Variants in GTF2IRD1 observed in about 807,000 individuals in gnomAD.
GTF2IRD1 encodes the protein general transcription factor II-I repeat domain-containing protein 1.
A neutral mutation model predicts 113.2 loss-of-function variants in GTF2IRD1; 26 were observed. That is an observed-to-expected ratio of 0.23 (90% CI 0.17 to 0.32). GTF2IRD1 has a LOEUF of 0.32. Among genes scored for constraint, GTF2IRD1 ranks in the 10% least tolerant of loss-of-function variants. The pLI is 1.00. For missense variants in GTF2IRD1, 864 were observed against 1,280.8 expected (o/e 0.67, Z 4.97); for synonymous variants, 484 against 529.1 (o/e 0.91, Z 1.17).
chr7:74,504,705 C>CTT (rs561437934), intron 1 of GTF2IRD1, among the ~76,000 whole-genome samples: 14 of 116,130 alleles, frequency 1.2e-4, no homozygotes, highest in Non-Finnish European at 2.0e-4. Flanking sequence ...AGAATTTTTA[C>CTT]TTTTTTTTTT....
At position 74,597,233 on chromosome 7, in the gene GTF2IRD1, G is replaced by A. The variant is rs797037362; in HGVS notation, c.2629+2182G>A. Among the ~76,000 whole-genome samples the A allele has an allele frequency of 1.4e-3, 211 of 151,840 alleles. 2 individuals are homozygous for A. The highest frequency in any genetic ancestry group is 4.8e-3 in the African/African-American group (198 of 41,446). On this transcript the variant is annotated intron_variant, in intron 25 of 26. Transcript: ENST00000424337. ...ATTTTTTTGTATTTTTAGTAGAGAC[G>A]GGGTTTCTCCATATTGGCCAGGCTG... is the stretch of plus-strand genomic sequence containing the variant.
At chr7:74,476,499 G>T (rs1467101048) in intron 1 of GTF2IRD1, among the ~76,000 whole-genome samples, 1 of 151,548 alleles carries the variant, frequency 6.6e-6, no homozygotes, top group Non-Finnish European at 1.5e-5. Flanking sequence ...CAAGTAGCTG[G>T]GATACAGGTG....
chr7:74,463,306 G>T (rs782051977), intron 1 of GTF2IRD1, among the ~76,000 whole-genome samples: 3 of 152,152 alleles, frequency 2.0e-5, no homozygotes, highest in Non-Finnish European at 4.4e-5. Context: ...TGCAATCATA[G>T]CTTGCTGCAG....
At position 74,518,301 on chromosome 7, in the gene GTF2IRD1, G is replaced by T; in HGVS notation, c.584G>T (p.Arg195Leu). Reference sequence around the variant, plus strand: ...ATGGCCATCCTGGAACACAGCCACCGCATCCGCTTCAAGCTCAAGAGGTGA... The same window carrying T: ...ATGGCCATCCTGGAACACAGCCACCTCATCCGCTTCAAGCTCAAGAGGTGA... Reference protein sequence around the residue: ...ALMAILEHSHRIRFKLKRPLE... With the variant: ...ALMAILEHSHLIRFKLKRPLE... The change falls in exon 5 of 27, where the codon CGC becomes CTC. Residue 195 changes from arginine (R) to leucine (L), a missense_variant. Physicochemically the swap from Arg to Leu is moderately radical, Grantham distance 102 (BLOSUM62 -2). Transcript: ENST00000424337. The T allele has an allele frequency of 1.3e-6, 2 of 1,599,930 alleles. No homozygotes were observed. The highest frequency in any genetic ancestry group is 1.7e-6 in the Non-Finnish European group (2 of 1,170,184).
chr7:74,472,233 G>T (rs1554332587), intron 1 of GTF2IRD1, among the ~76,000 whole-genome samples: 2 of 144,698 alleles, frequency 1.4e-5, no homozygotes, highest in African/African-American at 5.2e-5. Context: ...CATAGGGCCG[G>T]GGCCAGGTGC....
At chr7:74,575,054 C>T (rs879989752) in intron 22 of GTF2IRD1, among the ~76,000 whole-genome samples, 12 of 152,068 alleles carry the variant, frequency 7.9e-5, no homozygotes, top group East Asian at 1.9e-4. Flanking sequence ...TGCGCCATTG[C>T]GCTCCAGCTT....
At chr7:74,485,339 T>C (rs1794959292) in intron 1 of GTF2IRD1, among the ~76,000 whole-genome samples, 2 of 152,102 alleles carry the variant, frequency 1.3e-5, no homozygotes, top group African/African-American at 4.8e-5. Flanking sequence ...TGCAGCTGGC[T>C]GGGTGCGGTG....
intron 26 of GTF2IRD1, chr7:74,601,476 A>G (rs1554374096): frequency 1.4e-6 from 2 of 1,437,810 alleles, no homozygotes; most frequent in Non-Finnish European, 9.1e-7. Flanking sequence ...AGCTGGAGAC[A>G]TGAAAAGACA....
chr7:74,492,366 T>C (rs1457328603), intron 1 of GTF2IRD1, among the ~76,000 whole-genome samples: 2 of 151,760 alleles, frequency 1.3e-5, no homozygotes, highest in Admixed American at 6.6e-5. Flanking sequence ...GAAACTGAGT[T>C]TCACCATGTT....
chr7:74,490,700 A>T (rs1258594492), intron 1 of GTF2IRD1, among the ~76,000 whole-genome samples: 1 of 145,622 alleles, frequency 6.9e-6, no homozygotes, highest in Admixed American at 6.9e-5. Context: ...GGTTGGGTGT[A>T]TTTTTTTTTT....
chr7:74,585,135 C>T (rs1281219974), intron 22 of GTF2IRD1, among the ~76,000 whole-genome samples: 4 of 125,382 alleles, frequency 3.2e-5, no homozygotes, highest in Non-Finnish European at 6.4e-5. Flanking sequence ...TTTTTTGAGA[C>T]GGAGTCTTGC....
At position 74,512,141 on chromosome 7, in the gene GTF2IRD1, CAGGAGTTTG is replaced by C. The variant is rs1554343144; in HGVS notation, c.124-686_124-678del. Among the ~76,000 whole-genome samples the C allele has an allele frequency of 3.3e-5, 5 of 152,122 alleles. No individual in the cohort carries two copies. Among genetic ancestry groups the C allele is most frequent in the Admixed American group, 2.6e-4 (4 of 15,264 alleles). ...CTGAGACGGGCAGATCACCTGAGGT[CAGGAGTTTG>C]AGACCAGCCTGGCCAACATGGTGAA... On this transcript the variant is annotated intron_variant, in intron 2 of 26. Coordinates refer to ENST00000424337, the MANE Select transcript of GTF2IRD1 (RefSeq NM_005685.4). The surrounding 1 kb of genome is among the most constrained non-coding windows in gnomAD (Gnocchi z 4.4).
intron 25 of GTF2IRD1, 120 bp downstream of exon 25, chr7:74,595,171 C>T (rs1583986166): frequency 2.0e-5 from 11 of 537,754 alleles, no homozygotes; most frequent in South Asian, 9.4e-5. Flanking sequence ...TTTGGGAGGC[C>T]GAGGCAGGCA....
chr7:74,550,729 A>C (rs1418046559), intron 17 of GTF2IRD1, among the ~76,000 whole-genome samples: 1 of 152,014 alleles, frequency 6.6e-6, no homozygotes, highest in Non-Finnish European at 1.5e-5. Flanking sequence ...GCAATGTATC[A>C]AGACCCCATC....
chr7:74,595,401 A>C (rs1280100403), intron 25 of GTF2IRD1, among the ~76,000 whole-genome samples: 2 of 149,868 alleles, frequency 1.3e-5, no homozygotes, highest in African/African-American at 4.9e-5. Context: ...GCAAGACTCC[A>C]TCTCGAAAAA....
chr7:74,510,235 T>G lies in GTF2IRD1; in HGVS notation c.123+2032T>G, dbSNP rs140257355. On this transcript the variant is annotated intron_variant, in intron 2 of 26. Transcript: ENST00000424337. The stretch of plus-strand genomic sequence containing the variant: ...TCCCAAAGTACTGTGAGCTTGGCAT[T>G]GATGGAGGTGTGGCTGATGTGGGCA... Among the ~76,000 whole-genome samples the G allele has an allele frequency of 5.9e-3, 894 of 151,546 alleles. 6 individuals are homozygous for G. Among genetic ancestry groups the G allele is most frequent in the African/African-American group, 0.02 (844 of 41,314 alleles).
At chr7:74,523,296 C>A (rs1797398532) in intron 7 of GTF2IRD1, among the ~76,000 whole-genome samples, 1 of 152,024 alleles carries the variant, frequency 6.6e-6, no homozygotes. Context: ...GGGGCCGAGG[C>A]AGAGGGATCA....
chr7:74,518,189 C>T lies in GTF2IRD1; in HGVS notation c.472C>T (p.Leu158Phe). Residue 158 changes from leucine (L) to phenylalanine (F), a missense_variant, in exon 5 of 27, where the codon CTC becomes TTC. Leu to Phe is a conservative substitution (Grantham distance 22). This residue lies in a region of GTF2IRD1 where 182 missense variants were observed against 266.6 expected (regional missense o/e 0.68). Coordinates refer to ENST00000424337, the MANE Select transcript of GTF2IRD1 (RefSeq NM_005685.4). ...SVVPLPYERL[L>F]REPGLLAVQG... ...GGTGCCACTGCCCTATGAGAGGCTGCTCAGGGAGCCAGGGCTGCTGGCCGT... is the reference window on the plus strand; with the variant it reads ...GGTGCCACTGCCCTATGAGAGGCTGTTCAGGGAGCCAGGGCTGCTGGCCGT... The T allele has an allele frequency of 6.2e-7, 1 of 1,610,082 alleles. No individual in the cohort carries two copies. The highest frequency in any genetic ancestry group is 8.5e-7 in the Non-Finnish European group (1 of 1,178,576).
At chr7:74,513,221 C>T (rs1198443019) in intron 3 of GTF2IRD1, among the ~76,000 whole-genome samples, 2 of 152,240 alleles carry the variant, frequency 1.3e-5, no homozygotes, top group Non-Finnish European at 2.9e-5. Context: ...CAGATGGGGA[C>T]ACCAAGGCCA....
Sources: allele counts gnomAD v4.1 joint callset (sites outside exome capture counted in the v4.1 genomes callset), GRCh38; gene constraint gnomAD v4.1.1; regional missense constraint gnomAD v4.1.1; non-coding constraint Gnocchi (gnomAD v3.1); transcripts MANE v1.5; gene names NCBI Gene and HGNC (gene_info 2026-07-23, HGNC 2026-07-21).